The following TAX1BP1 variants were observed in gnomAD, a reference collection of about 807,000 sequenced individuals.
The protein encoded by TAX1BP1 is tax1-binding protein 1.
Under a neutral mutation model 97.7 loss-of-function variants are expected in TAX1BP1, and 62 were observed. That is an observed-to-expected ratio of 0.63 (90% CI 0.52 to 0.78). TAX1BP1 has a LOEUF of 0.78. TAX1BP1 is among the 30% of genes least tolerant of loss of function. The pLI is 0.00. For missense variants in TAX1BP1, 867 were observed against 916.1 expected (o/e 0.95, Z 0.69); for synonymous variants, 340 against 304.2 (o/e 1.12, Z -1.23).
intron 5 of TAX1BP1, among the ~76,000 whole-genome samples, chr7:27,770,825 G>C (rs1788817224): frequency 6.6e-6 from 1 of 152,066 alleles, no homozygotes; most frequent in Non-Finnish European, 1.5e-5. Flanking sequence ...ATAATGTCAA[G>C]TACTATGTAC....
intron 5 of TAX1BP1, among the ~76,000 whole-genome samples, chr7:27,771,019 T>A (rs1788823522): frequency 6.6e-6 from 1 of 151,188 alleles, no homozygotes; most frequent in African/African-American, 2.4e-5. Flanking sequence ...TTTGAACCTT[T>A]GAAGCAGGTA....
At chr7:27,763,198 A>G (rs555428038) in intron 3 of TAX1BP1, among the ~76,000 whole-genome samples, 2 of 152,322 alleles carry the variant, frequency 1.3e-5, no homozygotes, top group South Asian at 4.1e-4. Context: ...CCTGAAATGC[A>G]AAACCCAAAA....
intron 13 of TAX1BP1, among the ~76,000 whole-genome samples, chr7:27,811,371 C>A (rs1790553852): frequency 6.6e-6 from 1 of 152,140 alleles, no homozygotes; most frequent in South Asian, 2.1e-4. Flanking sequence ...AGTTGACTTG[C>A]ATTTTTCTTA....
At chr7:27,751,439 A>G (rs1034065951) in intron 2 of TAX1BP1, among the ~76,000 whole-genome samples, 3 of 152,180 alleles carry the variant, frequency 2.0e-5, no homozygotes, top group Non-Finnish European at 4.4e-5. Context: ...ATATATACAC[A>G]CATACTACTG....
intron 1 of TAX1BP1, among the ~76,000 whole-genome samples, chr7:27,744,846 A>T (rs912285664): frequency 1.3e-5 from 2 of 152,210 alleles, no homozygotes; most frequent in African/African-American, 4.8e-5. Flanking sequence ...TTTTTTATAG[A>T]CATTAATGCA....
rs543570931 is a variant in TAX1BP1, at chr7:27,781,038, TA to T, written c.613-4116del. 4.9e-3 allele frequency among the ~76,000 whole-genome samples: 742 copies of T among 151,416 alleles called. 4 individuals carry two copies. Among genetic ancestry groups the T allele is most frequent in the African/African-American group, 0.013 (555 of 41,334 alleles). ...TAAAAATGTATATGAAACCTAATGT[TA>T]AAAAAAAATCACTAGTTTGTGGAAT... On this transcript the variant is annotated intron_variant, in intron 5 of 16. Coordinates refer to ENST00000396319, the MANE Select transcript of TAX1BP1 (RefSeq NM_006024.7).
At chr7:27,827,574 A>G (rs547836135) in intron 15 of TAX1BP1, among the ~76,000 whole-genome samples, 164 bp from the exon 16 acceptor site, 1 of 152,338 alleles carries the variant, frequency 6.6e-6, no homozygotes, top group Admixed American at 6.5e-5. Context: ...AATACTCTGC[A>G]AAGTTTCAAA....
intron 8 of TAX1BP1, among the ~76,000 whole-genome samples, chr7:27,789,326 AAT>A (rs1246591050): frequency 6.6e-6 from 1 of 151,856 alleles, no homozygotes; most frequent in Non-Finnish European, 1.5e-5. Flanking sequence ...TTATTGTTTG[AAT>A]ATGTAAAACA....
At chr7:27,786,271 A>G (rs1789477424) in intron 7 of TAX1BP1, among the ~76,000 whole-genome samples, 1 of 151,826 alleles carries the variant, frequency 6.6e-6, no homozygotes, top group African/African-American at 2.4e-5. Context: ...ACCTGGGACT[A>G]CAGGTGCCCG....
chr7:27,824,549 C>A (rs1268902599), intron 15 of TAX1BP1, among the ~76,000 whole-genome samples: 685 of 91,290 alleles, frequency 7.5e-3, no homozygotes, highest in East Asian at 0.018. Flanking sequence ...GACCTTGTCT[C>A]AAAAAAAAAA....
intron 4 of TAX1BP1, among the ~76,000 whole-genome samples, chr7:27,767,587 A>G (rs970276056): frequency 2.6e-5 from 4 of 152,128 alleles, no homozygotes; most frequent in African/African-American, 9.7e-5. Context: ...TTAGCTTTGT[A>G]TTTGAATGCC....
At chr7:27,806,367 T>C (rs999925650) in intron 13 of TAX1BP1, among the ~76,000 whole-genome samples, 9 of 151,850 alleles carry the variant, frequency 5.9e-5, no homozygotes, top group Non-Finnish European at 1.2e-4. Flanking sequence ...ATTACAGGTG[T>C]GAGCCACCAT....
At chr7:27,765,009 GTTTTTTTTTTTT>G (rs1179797055) in intron 3 of TAX1BP1, among the ~76,000 whole-genome samples, 1 of 81,064 alleles carries the variant, frequency 1.2e-5, no homozygotes, top group African/African-American at 5.8e-5. Flanking sequence ...TCTCCTCTCT[GTTTTTTTTTTTT>G]TTTTTTTTTT....
intron 14 of TAX1BP1, 127 bp downstream of exon 14, chr7:27,816,647 T>C: frequency 1.0e-6 from 1 of 955,170 alleles, no homozygotes; most frequent in Non-Finnish European, 1.5e-6. Flanking sequence ...TTTGTATAAT[T>C]AGCAGTTTTA....
chr7:27,791,591 T>C (rs1348379841), intron 8 of TAX1BP1, among the ~76,000 whole-genome samples: 1 of 152,174 alleles, frequency 6.6e-6, no homozygotes, highest in Non-Finnish European at 1.5e-5. Context: ...GTAGGAAACA[T>C]CTTTTAACCA....
rs117506990 is a variant in TAX1BP1, at chr7:27,784,714, C to T, written c.613-449C>T. Among the ~76,000 whole-genome samples, 701 of 152,002 alleles carry T rather than the reference C, an allele frequency of 4.6e-3. 1 individual carries two copies. Among genetic ancestry groups the T allele is most frequent in the Non-Finnish European group, 6.4e-3 (436 of 67,964 alleles). ...TGGGGGGAAAATGTATATAAATAAA[C>T]GAATCATTGCTCATGCCTGTAGTCC... On this transcript the variant is annotated intron_variant, in intron 5 of 16. Coordinates refer to ENST00000396319, the MANE Select transcript of TAX1BP1 (RefSeq NM_006024.7).
intron 5 of TAX1BP1, among the ~76,000 whole-genome samples, chr7:27,775,836 G>A (rs773316378): frequency 1.3e-5 from 2 of 152,144 alleles, no homozygotes; most frequent in African/African-American, 2.4e-5. Context: ...TTTTCAGTCC[G>A]TTCTGGTGGG....
intron 13 of TAX1BP1, 83 bp downstream of exon 13, chr7:27,800,173 A>T: frequency 7.9e-7 from 1 of 1,263,808 alleles, no homozygotes; most frequent in African/African-American, 1.5e-5. Context: ...AATCTAATGT[A>T]CATTTTAAAT....
chr7:27,802,956 A>G (rs1354437030), intron 13 of TAX1BP1, among the ~76,000 whole-genome samples: 4 of 152,228 alleles, frequency 2.6e-5, no homozygotes, highest in Admixed American at 2.6e-4. Context: ...AATAAATGAC[A>G]AGTAATTCAG....
Sources: allele counts gnomAD v4.1 joint callset (sites outside exome capture counted in the v4.1 genomes callset), GRCh38; gene constraint gnomAD v4.1.1; transcripts MANE v1.5; gene names NCBI Gene and HGNC (gene_info 2026-07-23, HGNC 2026-07-21).